Variants in TLCD3B observed in about 807,000 individuals in gnomAD.
TLCD3B encodes ceramide synthase.
TLCD3B carries 9 observed loss-of-function variants against 23.0 expected under a neutral mutation model. That is an observed-to-expected ratio of 0.39 (90% CI 0.24 to 0.68). The LOEUF (loss-of-function observed/expected upper bound fraction) is 0.68. Ranked by LOEUF, TLCD3B falls within the 30% of genes least tolerant of loss-of-function variation. TLCD3B has a pLI of 0.44. For synonymous variants in TLCD3B, 161 were observed against 161.0 expected (o/e 1.00, Z 0.00); for missense variants, 307 against 371.8 (o/e 0.83, Z 1.43).
In TLCD3B at chr16:30,048,282, CT is replaced by C. The variant is rs966558182; in HGVS notation, c.-293-1896del. The stretch of plus-strand genomic sequence containing the variant: ...TAGAAAACATGCATGTCTAATTTTT[CT>C]TTTTTTTTTGTAGAGATGGAGTTCA... On this transcript the variant is annotated intron_variant, in intron 1 of 6. Transcript: ENST00000561666. Among the ~76,000 whole-genome samples the C allele has an allele frequency of 1.1e-4, 17 of 147,978 alleles. No homozygotes were observed. The East Asian group carries it at 1.4e-3, about 12-fold the overall frequency.
intron 1 of TLCD3B, among the ~76,000 whole-genome samples, chr16:30,050,517 G>A (rs148076930): frequency 1.3e-5 from 2 of 152,262 alleles, no homozygotes; most frequent in African/African-American, 4.8e-5. Context: ...ACTCCAGCCT[G>A]GGCTACCGAG....
chr16:30,052,257 A>G (rs1013120561), intron 1 of TLCD3B, among the ~76,000 whole-genome samples: 6 of 151,828 alleles, frequency 4.0e-5, no homozygotes, highest in African/African-American at 1.2e-4. Flanking sequence ...AATCTCAGCT[A>G]CTCGGGAGGC....
At chr16:30,035,378 C>T (rs2071447677), upstream of TLCD3B, 10 of 1,289,642 alleles carry the variant, frequency 7.8e-6, no homozygotes, top group Middle Eastern at 2.1e-4. Context: ...AGCCTCTTGT[C>T]TCTCCATCTG....
intron 3 of TLCD3B, among the ~76,000 whole-genome samples, chr16:30,039,101 CTCTTT>C (rs890778245): frequency 8.3e-6 from 1 of 120,856 alleles, no homozygotes; most frequent in African/African-American, 3.2e-5. Flanking sequence ...CCTCCTTCCT[CTCTTT>C]TTTTTTTTTT....
intron 1 of TLCD3B, among the ~76,000 whole-genome samples, chr16:30,052,241 G>A (rs546768106): frequency 6.6e-6 from 1 of 151,976 alleles, no homozygotes; most frequent in East Asian, 1.9e-4. Flanking sequence ...GGTGGCAGTC[G>A]CCTGTAATCT....
At chr16:30,048,680 A>G (rs1596782748) in intron 1 of TLCD3B, among the ~76,000 whole-genome samples, 1 of 151,552 alleles carries the variant, frequency 6.6e-6, no homozygotes, top group African/African-American at 2.4e-5. Context: ...ACTCACTGCA[A>G]CCTCTGCCCT....
In TLCD3B at chr16:30,025,281, C is replaced by T; in HGVS notation, c.727G>A (p.Ala243Thr). 1.3e-6 allele frequency: 2 copies of T among 1,547,596 alleles called. No homozygotes were observed. Among genetic ancestry groups the T allele is most frequent in the Non-Finnish European group, 1.7e-6 (2 of 1,146,232 alleles). The stretch of plus-strand genomic sequence containing the variant: ...AGGAAGAACCAGTAGAGCTGAGGGG[C>T]CAGGAGCAGCGCAGCGCCCAGGTTG... ...HVNLGAALLL[A>T]PQLYWFFLIC... Residue 243 changes from alanine to threonine, a missense_variant, in exon 5 of 5, where the codon GCC becomes ACC. Physicochemically the swap from Ala to Thr is moderately conservative, Grantham distance 58 (BLOSUM62 0). Transcript: ENST00000380495. This position sits in a 1 kb window ranked among gnomAD's most constrained non-coding sequence, Gnocchi z 4.1.
At chr16:30,044,163 A>G (rs1465852428) in intron 2 of TLCD3B, among the ~76,000 whole-genome samples, 1 of 148,266 alleles carries the variant, frequency 6.7e-6, no homozygotes, top group East Asian at 2.0e-4. Context: ...CACTTGGCTA[A>G]TTTTTGTATT....
chr16:30,045,276 G>GGT (rs1162165834), intron 2 of TLCD3B, among the ~76,000 whole-genome samples: 234 of 148,756 alleles, frequency 1.6e-3, no homozygotes, highest in Non-Finnish European at 2.9e-3. Context: ...TGATGTGTGT[G>GGT]GTGTGTGTGT....
upstream of TLCD3B, among the ~76,000 whole-genome samples, chr16:30,031,576 G>A (rs962145415): frequency 6.6e-5 from 10 of 152,226 alleles, no homozygotes; most frequent in Non-Finnish European, 1.3e-4. Flanking sequence ...CATTCCAGCG[G>A]AAGAGAGCGT....
At chr16:30,041,991 T>C (rs1182934323) in intron 2 of TLCD3B, among the ~76,000 whole-genome samples, 1 of 152,184 alleles carries the variant, frequency 6.6e-6, no homozygotes. Context: ...GAGAGCAGTG[T>C]TTCTCAATTT....
chr16:30,030,719 G>A lies in TLCD3B; in HGVS notation c.-192C>T. On this transcript the variant is annotated 5_prime_UTR_variant, in exon 1 of 5. Coordinates refer to ENST00000380495, the MANE Select transcript of TLCD3B (RefSeq NM_031478.6). ...CCGATGAAACTGGGGAGTCGGGAGG[G>A]GGCTGGCTGGGCAGAGACGGGGGAG... The A allele has an allele frequency of 8.2e-7, 1 of 1,219,034 alleles. No homozygotes were observed. Among genetic ancestry groups the A allele is most frequent in the Non-Finnish European group, 1.0e-6 (1 of 974,100 alleles). 75.5% of individuals were successfully genotyped at this position (1,219,034 alleles called of 1,614,324 possible).
At chr16:30,032,228 T>G (rs2071378369), upstream of TLCD3B, among the ~76,000 whole-genome samples, 1 of 152,120 alleles carries the variant, frequency 6.6e-6, no homozygotes, top group Non-Finnish European at 1.5e-5. Flanking sequence ...CCCCTTTGAC[T>G]TCTGGCCTCC....
In TLCD3B at chr16:30,029,373, G is replaced by T; in HGVS notation, c.209+59C>A. ...CCCTCCAAGATGTGGGGTCTTCCGGGATTACCCGTACACGCCAACCACTGG... is the reference window on the plus strand; with the variant it reads ...CCCTCCAAGATGTGGGGTCTTCCGGTATTACCCGTACACGCCAACCACTGG... On this transcript the variant is annotated intron_variant, in intron 2 of 4. Coordinates refer to ENST00000380495, the MANE Select transcript of TLCD3B (RefSeq NM_031478.6). The surrounding 1 kb of genome is among the most constrained non-coding windows in gnomAD (Gnocchi z 4.6). The T allele has an allele frequency of 6.7e-7, 1 of 1,482,462 alleles. No homozygotes were observed. The highest frequency in any genetic ancestry group is 9.4e-7 in the Non-Finnish European group (1 of 1,065,500). The allele number at this position is 1,482,462 out of a possible 1,614,324, so 91.8% of individuals were successfully genotyped here. A position where few individuals can be genotyped will look rare whatever the true frequency, so the allele number is the denominator to read the frequency against.
chr16:30,036,236 G>T (rs1275730149), upstream of TLCD3B: 12 of 1,288,956 alleles, frequency 9.3e-6, no homozygotes, highest in Non-Finnish European at 1.2e-5. Context: ...GAAGGGAGGG[G>T]GTTGTCAAGA....
At chr16:30,045,969 G>A (rs1394907073) in intron 2 of TLCD3B, among the ~76,000 whole-genome samples, 1 of 152,032 alleles carries the variant, frequency 6.6e-6, no homozygotes, top group African/African-American at 2.4e-5. Flanking sequence ...AATTAGCTGG[G>A]CGTGGTGCTG....
intron 2 of TLCD3B, among the ~76,000 whole-genome samples, chr16:30,045,531 GT>G (rs2071656604): frequency 1.5e-5 from 2 of 137,228 alleles, no homozygotes; most frequent in Non-Finnish European, 3.1e-5. Context: ...TGTGTGGTAT[GT>G]GTGGTGTGTG....
At chr16:30,028,814 G>A (rs1005617532) in intron 2 of TLCD3B, among the ~76,000 whole-genome samples, 2 of 152,258 alleles carry the variant, frequency 1.3e-5, no homozygotes, top group East Asian at 1.9e-4. Context: ...CACCTAGGGC[G>A]GCCGTCAGCA....
At chr16:30,045,695 G>GTGTGTGTGTGTGTTGTGTGTGTT (rs2071661529) in intron 2 of TLCD3B, among the ~76,000 whole-genome samples, 1 of 141,442 alleles carries the variant, frequency 7.1e-6, no homozygotes, top group Non-Finnish European at 1.5e-5. Flanking sequence ...GTGTGTGTTT[G>GTGTGTGTGTGTGTTGTGTGTGTT]TGTGTGTGTG....
Sources: gnomAD v4.1 joint callset for allele counts (sites outside exome capture counted in the v4.1 genomes callset) on GRCh38, gnomAD v4.1.1 for gene constraint, Gnocchi (gnomAD v3.1) non-coding constraint, MANE v1.5 for transcripts, NCBI Gene and HGNC (gene_info 2026-07-23, HGNC 2026-07-21) for gene names.